ANXA6: variants seen among roughly 807,000 people sequenced by gnomAD.
ANXA6 encodes the protein annexin A6, also known as 67 kDa calelectrin.
A neutral mutation model predicts 95.4 loss-of-function variants in ANXA6; 71 were observed. That is an observed-to-expected ratio of 0.74 (90% confidence interval 0.61 to 0.91). The LOEUF (loss-of-function observed/expected upper bound fraction) is 0.91, where lower values mean the gene tolerates loss of function less well. ANXA6 is among the 40% of genes least tolerant of loss of function. The pLI, the probability that ANXA6 is intolerant of heterozygous loss-of-function variation, is 0.00. For synonymous variants in ANXA6, 289 were observed against 315.9 expected (o/e 0.91, Z 0.90); for missense variants, 830 against 876.4 (o/e 0.95, Z 0.67).
chr5:151,121,280 C>T (rs902551569), intron 17 of ANXA6, among the ~76,000 whole-genome samples: 1 of 152,190 alleles, frequency 6.6e-6, no homozygotes, highest in Admixed American at 6.5e-5. Context: ...ACCTCCAAGT[C>T]TCAGTTTCCT....
chr5:151,107,407 C>T (rs1764723013), intron 23 of ANXA6, among the ~76,000 whole-genome samples: 1 of 152,206 alleles, frequency 6.6e-6, no homozygotes, highest in African/African-American at 2.4e-5. Flanking sequence ...AGGGATTCAA[C>T]CTGGATTCCA....
At chr5:151,103,328 C>T (rs1377225030) in intron 25 of ANXA6, among the ~76,000 whole-genome samples, 2 of 152,120 alleles carry the variant, frequency 1.3e-5, no homozygotes, top group East Asian at 1.9e-4. Flanking sequence ...CATAACATTG[C>T]TTTAAAAAAA....
chr5:151,117,891 C>T (rs970219224), intron 18 of ANXA6, 54 bp from the exon 19 acceptor site: 50 of 1,488,774 alleles, frequency 3.4e-5, no homozygotes, highest in African/African-American at 1.4e-4. Flanking sequence ...GATTTGGTTG[C>T]GGGGAGGGAG....
At chr5:151,140,471 C>A in intron 2 of ANXA6, 1 of 526,746 alleles carries the variant, frequency 1.9e-6, no homozygotes. Context: ...GGGGCTTGGC[C>A]AAGGCCTGCA....
At chr5:151,124,627 A>T (rs1029605311) in intron 14 of ANXA6, among the ~76,000 whole-genome samples, 9 of 152,214 alleles carry the variant, frequency 5.9e-5, no homozygotes, top group African/African-American at 1.9e-4. Flanking sequence ...GCAAGTCCTG[A>T]TCAAGAGAAA....
intron 13 of ANXA6, among the ~76,000 whole-genome samples, 166 bp downstream of exon 13, chr5:151,128,015 A>C (rs569135222): frequency 2.0e-4 from 30 of 152,212 alleles, no homozygotes; most frequent in African/African-American, 7.0e-4. Flanking sequence ...ACACAGACCC[A>C]CAAGCACAGC....
chr5:151,154,075 T>C (rs1207145780), intron 1 of ANXA6, among the ~76,000 whole-genome samples: 1 of 152,042 alleles, frequency 6.6e-6, no homozygotes, highest in Non-Finnish European at 1.5e-5. Flanking sequence ...TACTCCTCTT[T>C]CTATAGCCAG....
At chr5:151,106,382 G>A (rs1764696387) in intron 23 of ANXA6, among the ~76,000 whole-genome samples, 1 of 152,104 alleles carries the variant, frequency 6.6e-6, no homozygotes, top group Admixed American at 6.6e-5. Flanking sequence ...TACCCCAGTG[G>A]CAGAGTCAAG....
Position 151,129,520 on chromosome 5 carries a change from TC to T in ANXA6, c.804del (p.Thr269LeufsTer6). ...ATGCGGATCAGGGTGTTGTCCCGAG[TC>T]CCCAGGCCCTGCAAGACAAGTGGGT... The part of the protein sequence containing the change: ...ERLFKAMKGL[G>X]TRDNTLIRIM... On this transcript the variant is annotated frameshift_variant, in exon 12 of 26. Transcript: ENST00000354546. LOFTEE classifies it high-confidence loss of function. The T allele has an allele frequency of 6.2e-7, 1 of 1,603,896 alleles. No homozygotes were observed. Among genetic ancestry groups the T allele is most frequent in the Admixed American group, 1.7e-5 (1 of 58,596 alleles).
At chr5:151,154,139 A>C (rs72790155) in intron 1 of ANXA6, among the ~76,000 whole-genome samples, 26 of 152,158 alleles carry the variant, frequency 1.7e-4, no homozygotes, top group Non-Finnish European at 3.5e-4. Flanking sequence ...AAAATCAGTC[A>C]TCAAGCAGGG....
At position 151,123,212 on chromosome 5, in the gene ANXA6, T is replaced by C. The variant is rs1406255415; in HGVS notation, c.1139-201A>G. ...CTGGACTCCTCCCTCCCTTTCCTTT[T>C]GACACGCTGAGGAAAAAGGACAGCT... On this transcript the variant is annotated intron_variant, in intron 15 of 25. Transcript: ENST00000354546. Among the ~76,000 whole-genome samples, 3 of 152,172 alleles carry C rather than the reference T, an allele frequency of 2.0e-5. No homozygotes were observed. In the East Asian group the frequency reaches 5.8e-4, roughly 29 times the overall value.
At chr5:151,111,857 C>T (rs1250552130) in intron 20 of ANXA6, among the ~76,000 whole-genome samples, 1 of 152,106 alleles carries the variant, frequency 6.6e-6, no homozygotes, top group Non-Finnish European at 1.5e-5. Context: ...GGTGCGATCT[C>T]AGCTCACTGC....
intron 7 of ANXA6, 32 bp downstream of exon 7, chr5:151,136,224 C>T (rs199908778): frequency 1.9e-6 from 3 of 1,610,078 alleles, no homozygotes; most frequent in Non-Finnish European, 2.5e-6. Flanking sequence ...CTATCCCAAG[C>T]TCCAGAGGAA....
intron 20 of ANXA6, among the ~76,000 whole-genome samples, chr5:151,111,361 C>T (rs1431914617): frequency 6.6e-6 from 1 of 152,214 alleles, no homozygotes; most frequent in Admixed American, 6.5e-5. Flanking sequence ...GCCGTTCCCC[C>T]AGAAACTCTG....
chr5:151,124,324 G>A lies in ANXA6; in HGVS notation c.1100C>T (p.Ala367Val). The change falls in exon 15 of 26, where the codon GCA becomes GTA. Residue 367 changes from alanine (A) to valine (V), a missense_variant. Physicochemically the swap from Ala to Val is moderately conservative, Grantham distance 64. Transcript: ENST00000354546. ...GGCTTTCCGCAGCGCTTTGGCATCT[G>A]CGTCAGGGTTGAAGTCATTGGCTGG... The part of the protein sequence containing the change: ...VRPANDFNPD[A>V]DAKALRKAMK... The A allele has an allele frequency of 6.2e-7, 1 of 1,613,506 alleles. No individual in the cohort carries two copies. Among genetic ancestry groups the A allele is most frequent in the Non-Finnish European group, 8.5e-7 (1 of 1,179,776 alleles).
intron 10 of ANXA6, 46 bp from the exon 11 acceptor site, chr5:151,131,335 AG>A (rs1244108095): frequency 6.3e-7 from 1 of 1,596,238 alleles, no homozygotes; most frequent in East Asian, 2.2e-5. Flanking sequence ...CTGCCTCAGA[AG>A]GGGGATGGGA....
chr5:151,112,174 A>G (rs1324923731), intron 20 of ANXA6, among the ~76,000 whole-genome samples: 1 of 152,194 alleles, frequency 6.6e-6, no homozygotes, highest in Non-Finnish European at 1.5e-5. Flanking sequence ...CAATGGAAAC[A>G]ATCCATGCAG....
chr5:151,152,487 G>A (rs1363821891), intron 1 of ANXA6, among the ~76,000 whole-genome samples: 1 of 152,160 alleles, frequency 6.6e-6, no homozygotes, highest in African/African-American at 2.4e-5. Context: ...TGACCCTCTT[G>A]TAAGGTTTTT....
intron 8 of ANXA6, among the ~76,000 whole-genome samples, chr5:151,133,578 G>A (rs1765578055): frequency 6.6e-6 from 1 of 152,142 alleles, no homozygotes; most frequent in Admixed American, 6.5e-5. Context: ...TCATAGAAAA[G>A]GCACAGTGAA....
Sources: allele counts gnomAD v4.1 joint callset (sites outside exome capture counted in the v4.1 genomes callset), GRCh38; gene constraint gnomAD v4.1.1; transcripts MANE v1.5; gene names NCBI Gene and HGNC (gene_info 2026-07-23, HGNC 2026-07-21).